Variants in BRS3 observed in about 807,000 individuals in gnomAD.
BRS3 encodes the protein bombesin receptor subtype-3.
Under a neutral mutation model 18.8 loss-of-function variants are expected in BRS3, and 5 were observed. That is an observed-to-expected ratio of 0.27 (90% CI 0.14 to 0.56). BRS3 has a LOEUF of 0.56. Among genes scored for constraint, BRS3 ranks in the 20% least tolerant of loss-of-function variants. The probability of loss-of-function intolerance (pLI) is 0.93; values close to 1 mark genes in which losing one functional copy is unlikely to be tolerated. For missense variants in BRS3, 215 were observed against 296.3 expected, an observed-to-expected ratio of 0.73 and a Z score of 2.01; for synonymous variants, 121 against 115.0, an observed-to-expected ratio of 1.05 and a Z score of -0.33.
intron 1 of BRS3, among the ~76,000 whole-genome samples, chrX:136,489,014 T>C (rs2075661276): frequency 8.9e-6 from 1 of 112,087 alleles, no homozygotes; most frequent in African/African-American, 3.2e-5. Flanking sequence ...TTATTTGAAA[T>C]TCATCAAATT....
rs2075670791 is a variant in BRS3 at position 136,491,913 on chromosome X, G to GGT, written c.787-49_787-48insGT. The GGT allele has an allele frequency of 1.4e-5, 6 of 436,962 alleles. No individual in the cohort carries two copies. In the African/African-American group the frequency reaches 2.4e-4, roughly 18 times the overall value. 36.0% of individuals were successfully genotyped at this position (436,962 alleles called of 1,213,427 possible). ...TTTTTTTGTTGTTGTTGTTTTTTGT[G>GGT]TTTTTTTTTTTTTTTTTTTTTTTTT... On this transcript the variant is annotated intron_variant, in intron 2 of 2. Coordinates refer to ENST00000370648, the MANE Select transcript of BRS3 (RefSeq NM_001727.2).
At chrX:136,489,462 CTTATA>C (rs899965148) in intron 1 of BRS3, among the ~76,000 whole-genome samples, 1 of 111,332 alleles carries the variant, frequency 9.0e-6, no homozygotes, top group African/African-American at 3.3e-5. Context: ...TTTGACTGGT[CTTATA>C]TTCTATTTGA....
chrX:136,491,419 AG>A (rs1319109227), intron 2 of BRS3, among the ~76,000 whole-genome samples: 1 of 112,330 alleles, frequency 8.9e-6, no homozygotes, highest in Non-Finnish European at 1.9e-5. Flanking sequence ...TCACATAAAA[AG>A]GACAGCACAT....
intron 1 of BRS3, among the ~76,000 whole-genome samples, chrX:136,489,364 G>A (rs950159306): frequency 8.9e-6 from 1 of 112,061 alleles, no homozygotes; most frequent in African/African-American, 3.2e-5. Context: ...AGTAATCGAT[G>A]TTTGGCAGTA....
Position 136,492,631 on chromosome X carries a change from G to T in BRS3, c.*256G>T. On this transcript the variant is annotated 3_prime_UTR_variant, in exon 3 of 3. Coordinates refer to ENST00000370648, the MANE Select transcript of BRS3 (RefSeq NM_001727.2). Reference sequence around the variant, plus strand: ...GTTTATATATGCCAGTGAATCGTAAGGGAAGTCAAATGGGAAGGAAGGTGT... The same window carrying T: ...GTTTATATATGCCAGTGAATCGTAATGGAAGTCAAATGGGAAGGAAGGTGT... 1 of 290,543 alleles carries T rather than the reference G, an allele frequency of 3.4e-6. No homozygotes were observed. The highest frequency in any genetic ancestry group is 6.0e-6 in the Non-Finnish European group (1 of 166,310). 23.9% of individuals were successfully genotyped at this position (290,543 alleles called of 1,213,427 possible). A position where few individuals can be genotyped will look rare whatever the true frequency, so the allele number is the denominator to read the frequency against.
At chrX:136,491,312 T>C (rs1185281528) in intron 2 of BRS3, among the ~76,000 whole-genome samples, 5 of 111,971 alleles carry the variant, frequency 4.5e-5, no homozygotes, top group African/African-American at 1.6e-4. Context: ...TTAATACCCA[T>C]GTGAACCAGT....
intron 1 of BRS3, 113 bp downstream of exon 1, chrX:136,488,661 C>T (rs1026154558): frequency 1.5e-4 from 111 of 751,539 alleles, no homozygotes; most frequent in Non-Finnish European, 1.9e-4. Context: ...CACTCTGTAA[C>T]GTGGATGTGA....
In BRS3 at chrX:136,488,076, T is replaced by G. The variant is rs760501414; in HGVS notation, c.-39T>G. On this transcript the variant is annotated 5_prime_UTR_variant, in exon 1 of 3. Transcript: ENST00000370648. ...ACGTGACAATCAACTGCATTTGAAC[T>G]GAGAAGAAGAAATATTAAAGACACA... is the stretch of plus-strand genomic sequence containing the variant. The G allele has an allele frequency of 1.5e-5, 17 of 1,147,436 alleles. No homozygotes were observed. The African/African-American group carries it at 1.6e-4, about 11-fold the overall frequency. 94.6% of individuals were successfully genotyped at this position (1,147,436 alleles called of 1,213,427 possible).
rs2148516711 is a variant in BRS3 at position 136,488,413 on chromosome X, G to T, written c.299G>T (p.Cys100Phe). The T allele has an allele frequency of 8.3e-7, 1 of 1,210,318 alleles. No homozygotes were observed. Among genetic ancestry groups the T allele is most frequent in the Admixed American group, 2.2e-5 (1 of 45,816 alleles). ...AFGDLLLLLTCVPVDATHYLA... is the reference protein window; with the variant it reads ...AFGDLLLLLTFVPVDATHYLA... Reference sequence around the variant, plus strand: ...GGAGATCTTTTACTTCTGCTAACTTGTGTGCCAGTGGATGCAACTCACTAC... The same window carrying T: ...GGAGATCTTTTACTTCTGCTAACTTTTGTGCCAGTGGATGCAACTCACTAC... The change falls in exon 1 of 3, where the codon TGT becomes TTT. Residue 100 changes from cysteine to phenylalanine, a missense_variant. This residue lies in a region of BRS3 where 123 missense variants were observed against 207.6 expected (regional missense o/e 0.59). Coordinates refer to ENST00000370648, the MANE Select transcript of BRS3 (RefSeq NM_001727.2).
chrX:136,490,023 C>A, intron 1 of BRS3, 110 bp from the exon 2 acceptor site: 1 of 561,270 alleles, frequency 1.8e-6, no homozygotes, highest in Non-Finnish European at 2.8e-6. Flanking sequence ...CTTGGTTATA[C>A]ACATATGCAC....
intron 1 of BRS3, among the ~76,000 whole-genome samples, chrX:136,489,337 C>T (rs1223678086): frequency 1.4e-4 from 16 of 111,619 alleles, no homozygotes; most frequent in Non-Finnish European, 3.0e-4. Flanking sequence ...CTTTACAAAG[C>T]CTGCAAGATT....
chrX:136,490,951 CG>C (rs1767255460), intron 2 of BRS3, among the ~76,000 whole-genome samples: 1 of 111,421 alleles, frequency 9.0e-6, no homozygotes, highest in Non-Finnish European at 1.9e-5. Context: ...GGCAAGAATC[CG>C]TAACACTATT....
intron 1 of BRS3, among the ~76,000 whole-genome samples, chrX:136,489,045 TGA>T (rs1200625561): frequency 1.8e-5 from 2 of 112,115 alleles, no homozygotes; most frequent in Non-Finnish European, 3.8e-5. Context: ...AGAAAAACGG[TGA>T]GGTTTTCAAC....
chrX:136,491,916 T>TTTTG (rs2075671377), intron 2 of BRS3, 46 bp from the exon 3 acceptor site: 1 of 475,656 alleles, frequency 2.1e-6, no homozygotes, highest in African/African-American at 3.4e-5. Flanking sequence ...TTTTTGTGTT[T>TTTTG]TTTTTTTTTT....
chrX:136,488,470 G>T lies in BRS3; in HGVS notation c.356G>T (p.Gly119Val). 1 of 1,211,896 alleles carries T rather than the reference G, an allele frequency of 8.3e-7. No homozygotes were observed. Among genetic ancestry groups the T allele is most frequent in the Non-Finnish European group, 1.1e-6 (1 of 895,584 alleles). Reference sequence around the variant, plus strand: ...GAAGGATGGCTGTTCGGAAGAATTGGTTGTAAGGTGCTCTCTTTCATCCGG... The same window carrying T: ...GAAGGATGGCTGTTCGGAAGAATTGTTTGTAAGGTGCTCTCTTTCATCCGG... ...LAEGWLFGRI[G>V]CKVLSFIRLT... The change falls in exon 1 of 3, where the codon GGT becomes GTT. Residue 119 changes from glycine (G) to valine (V), a missense_variant. Physicochemically the swap from Gly to Val is moderately radical, Grantham distance 109. This residue lies in a region of BRS3 where 123 missense variants were observed against 207.6 expected (regional missense o/e 0.59). Coordinates refer to ENST00000370648, the MANE Select transcript of BRS3 (RefSeq NM_001727.2).
chrX:136,488,809 C>T (rs1239432908), intron 1 of BRS3, among the ~76,000 whole-genome samples: 1 of 111,912 alleles, frequency 8.9e-6, no homozygotes, highest in Non-Finnish European at 1.9e-5. Context: ...GTATACTGAA[C>T]GGGGTTTTTA....
In BRS3 at chrX:136,493,290, A is replaced by G. The variant is rs762244414; in HGVS notation, c.*915A>G. ...TCATCTTCCTGCTTGACTTTATTAA[A>G]CCCAATGGGTGCCTAAGTCCTGTAA... On this transcript the variant is annotated 3_prime_UTR_variant, in exon 3 of 3. Coordinates refer to ENST00000370648, the MANE Select transcript of BRS3 (RefSeq NM_001727.2). The G allele has an allele frequency of 9.0e-6, 1 of 111,250 alleles. No homozygotes were observed. Among genetic ancestry groups the G allele is most frequent in the Non-Finnish European group, 1.9e-5 (1 of 53,083 alleles). The allele number at this position is 111,250 out of a possible 1,213,427, so 9.2% of individuals were successfully genotyped here.
At position 136,490,248 on chromosome X, in the gene BRS3, A is replaced by G. The variant is rs200528448; in HGVS notation, c.550A>G (p.Ile184Val). Residue 184 changes from isoleucine to valine, a missense_variant, in exon 2 of 3, where the codon ATA (isoleucine) becomes GTA (valine). Ile to Val is a conservative substitution (Grantham distance 29). This residue lies in a region of BRS3 where 123 missense variants were observed against 207.6 expected (regional missense o/e 0.59). Coordinates refer to ENST00000370648, the MANE Select transcript of BRS3 (RefSeq NM_001727.2). ...TATGATATTTGCTCTACCTGAGGCT[A>G]TATTTTCAAATGTATACACTTTTCG... ...VSMIFALPEA[I>V]FSNVYTFRDP... 1.7e-4 allele frequency: 204 copies of G among 1,209,638 alleles called. 1 individual carries two copies. The highest frequency in any genetic ancestry group is 2.2e-4 in the Non-Finnish European group (198 of 894,504).
Position 136,492,077 on chromosome X carries a change from A to G in BRS3, c.902A>G (p.Tyr301Cys). 8.3e-7 allele frequency: 1 copy of G among 1,210,002 alleles called. No individual in the cohort carries two copies. The highest frequency in any genetic ancestry group is 1.1e-6 in the Non-Finnish European group (1 of 895,058). The change falls in exon 3 of 3, where the codon TAT (tyrosine) becomes TGT (cysteine). Residue 301 changes from tyrosine to cysteine, a missense_variant. Physicochemically the swap from Tyr to Cys is radical, Grantham distance 194. Around this residue, in one of 3 missense-constraint regions of BRS3, gnomAD observed 123 missense variants for 207.6 expected, o/e 0.59. Coordinates refer to ENST00000370648, the MANE Select transcript of BRS3 (RefSeq NM_001727.2). Reference sequence around the variant, plus strand: ...TACCATTCATTCACTTCTCAAACCTATGTAGACCCCTCTGCCATGCATTTC... The same window carrying G: ...TACCATTCATTCACTTCTCAAACCTGTGTAGACCCCTCTGCCATGCATTTC... ...YLYHSFTSQTYVDPSAMHFIF... is the reference protein window; with the variant it reads ...YLYHSFTSQTCVDPSAMHFIF...
Sources: allele counts gnomAD v4.1 joint callset (sites outside exome capture counted in the v4.1 genomes callset), GRCh38; gene constraint gnomAD v4.1.1; regional missense constraint gnomAD v4.1.1; transcripts MANE v1.5; gene names NCBI Gene and HGNC (gene_info 2026-07-23, HGNC 2026-07-21).